PRKX: variants seen among roughly 807,000 people sequenced by gnomAD.
PRKX encodes the protein cAMP-dependent protein kinase catalytic subunit PRKX.
In PRKX, 12 loss-of-function variants were observed where a neutral mutation model predicts 22.0. The ratio of observed to expected loss-of-function variants is 0.54; its 90% CI spans 0.35 to 0.88. PRKX has a LOEUF of 0.88. Among genes scored for constraint, PRKX ranks in the 40% least tolerant of loss-of-function variants. The pLI, the probability that PRKX is intolerant of heterozygous loss-of-function variation, is 0.01. For synonymous variants in PRKX, 134 were observed against 137.7 expected (o/e 0.97, Z 0.19); for missense variants, 217 against 308.0 (o/e 0.70, Z 2.21).
rs762021655 is a variant in PRKX at position 3,688,697 on chromosome X, TAA to T, written c.167-13933_167-13932del. On this transcript the variant is annotated intron_variant, in intron 1 of 8. Transcript: ENST00000262848. The stretch of plus-strand genomic sequence containing the variant: ...GGGCAACATAGCCAGACACCATCTA[TAA>T]AAAAAAAAAATTTTTTTTAATGAGC... Among the ~76,000 whole-genome samples, 8 of 101,146 alleles carry T rather than the reference TAA, an allele frequency of 7.9e-5. No homozygotes were observed. In the South Asian group the frequency reaches 3.0e-3, roughly 38 times the overall value. 87.8% of individuals were successfully genotyped at this position (101,146 alleles called of 115,157 possible). A position where few individuals can be genotyped will look rare whatever the true frequency, so the allele number is the denominator to read the frequency against.
At position 3,635,364 on chromosome X, in the gene PRKX, G is replaced by A. The variant is rs1926866867; in HGVS notation, c.719+6488C>T. 1.8e-5 allele frequency among the ~76,000 whole-genome samples: 2 copies of A among 111,318 alleles called. 1 individual carries two copies. Among genetic ancestry groups the A allele is most frequent in the Admixed American group, 1.9e-4 (2 of 10,411 alleles). ...TCTGCTATGCTGTATTGTCTTAGTT[G>A]ACACCTATGAAGAAAATTCATCACT... On this transcript the variant is annotated intron_variant, in intron 4 of 8. Transcript: ENST00000262848.
intron 4 of PRKX, among the ~76,000 whole-genome samples, chrX:3,637,790 G>C (rs1207219181): frequency 9.5e-6 from 1 of 105,048 alleles, no homozygotes; most frequent in East Asian, 3.0e-4. Flanking sequence ...TTTTGAGATG[G>C]AGTCTCACCT....
At chrX:3,651,379 T>C (rs1233615636) in intron 3 of PRKX, among the ~76,000 whole-genome samples, 1 of 112,380 alleles carries the variant, frequency 8.9e-6, no homozygotes, top group Non-Finnish European at 1.9e-5. Context: ...TTTTATCTGT[T>C]TTCTTTGAAT....
intron 4 of PRKX, among the ~76,000 whole-genome samples, chrX:3,640,021 T>G (rs1282722306): frequency 1.8e-5 from 2 of 111,244 alleles, no homozygotes; most frequent in Non-Finnish European, 3.8e-5. Context: ...CTTCCCTCCT[T>G]TGTTTCCAAC....
chrX:3,697,228 T>C (rs919451468), intron 1 of PRKX, among the ~76,000 whole-genome samples: 16 of 110,946 alleles, frequency 1.4e-4, no homozygotes, highest in Non-Finnish European at 2.6e-4. Context: ...TAACCAAGTA[T>C]GGTGGTATGT....
Position 3,612,243 on chromosome X carries a change from G to A in PRKX, c.1034C>T (p.Ala345Val), listed in dbSNP as rs149150830. The A allele has an allele frequency of 5.5e-5, 66 of 1,208,177 alleles. No individual in the cohort carries two copies. The highest frequency in any genetic ancestry group is 7.2e-5 in the Non-Finnish European group (64 of 894,715). ...TTCTAAATCCTTCTGCGGCACGGGC[G>A]CGGCTGTGTCCCAGTCATTCTCAGG... ...TYPENDWDTA[A>V]PVPQKDLEIF... Residue 345 changes from alanine (A) to valine (V), a missense_variant, in exon 8 of 9, where the codon GCG (alanine) becomes GTG (valine). Physicochemically the swap from Ala to Val is moderately conservative, Grantham distance 64. Coordinates refer to ENST00000262848, the MANE Select transcript of PRKX (RefSeq NM_005044.5).
chrX:3,674,860 C>G, intron 1 of PRKX, 94 bp from the exon 2 acceptor site: 1 of 1,022,240 alleles, frequency 9.8e-7, no homozygotes, highest in Non-Finnish European at 1.4e-6. Context: ...TGCACCAGGA[C>G]GGCAAACACA....
At chrX:3,613,150 CAAAAAAAAAAAAAAAAAAAAA>C (rs528688936) in intron 7 of PRKX, among the ~76,000 whole-genome samples, 2 of 54,321 alleles carry the variant, frequency 3.7e-5, no homozygotes, top group Middle Eastern at 0.023. Flanking sequence ...GACTTCGTCT[CAAAAAAAAAAAAAAAAAAAAA>C]AAAAAAAAAA....
At chrX:3,686,518 G>A (rs994713384) in intron 1 of PRKX, among the ~76,000 whole-genome samples, 1 of 107,472 alleles carries the variant, frequency 9.3e-6, no homozygotes, top group Non-Finnish European at 1.9e-5. Context: ...TTGCAAGCGT[G>A]AGCCACTACA....
chrX:3,670,277 G>A (rs1352455763), intron 2 of PRKX: 3 of 123,059 alleles, frequency 2.4e-5, no homozygotes, highest in Non-Finnish European at 5.6e-5. Flanking sequence ...TGCAACGTTG[G>A]ACACCCTCCA....
chrX:3,611,315 A>G (rs1451260158), intron 8 of PRKX: 1 of 112,006 alleles, frequency 8.9e-6, no homozygotes, highest in East Asian at 2.8e-4. Context: ...TTGGCTTTCC[A>G]CTTCACATAA....
Position 3,608,266 on chromosome X carries a change from T to C in PRKX, c.*703A>G, listed in dbSNP as rs1486475269. The stretch of plus-strand genomic sequence containing the variant: ...CAACTTCAATGTCATTGTAGATTCT[T>C]GGAATAAATTCGCTCCCATATCTTC... On this transcript the variant is annotated 3_prime_UTR_variant, in exon 9 of 9. Coordinates refer to ENST00000262848, the MANE Select transcript of PRKX (RefSeq NM_005044.5). 9.1e-6 allele frequency: 1 copy of C among 110,424 alleles called. No homozygotes were observed. The highest frequency in any genetic ancestry group is 3.9e-4 in the South Asian group (1 of 2,573). The allele number at this position is 110,424 out of a possible 1,213,427, so 9.1% of individuals were successfully genotyped here.
In PRKX at chrX:3,606,770, T is replaced by C. The variant is rs1926183318; in HGVS notation, c.*2199A>G. On this transcript the variant is annotated 3_prime_UTR_variant, in exon 9 of 9. Coordinates refer to ENST00000262848, the MANE Select transcript of PRKX (RefSeq NM_005044.5). ...ACATGACATTGGGCCATTTAAACTATGACCCCGCCATGGGCAGTTACCAGG... is the reference window on the plus strand; with the variant it reads ...ACATGACATTGGGCCATTTAAACTACGACCCCGCCATGGGCAGTTACCAGG... 8.9e-6 allele frequency: 1 copy of C among 112,384 alleles called. No individual in the cohort carries two copies. Among genetic ancestry groups the C allele is most frequent in the Non-Finnish European group, 1.9e-5 (1 of 53,309 alleles). The allele number at this position is 112,384 out of a possible 1,213,427, so 9.3% of individuals were successfully genotyped here.
intron 2 of PRKX, among the ~76,000 whole-genome samples, chrX:3,657,605 A>T (rs1200689815): frequency 3.6e-5 from 4 of 112,582 alleles, no homozygotes; most frequent in African/African-American, 1.3e-4. Flanking sequence ...ATCACACCTG[A>T]TTCAGTAACC....
At chrX:3,661,328 C>A (rs1226842671) in intron 2 of PRKX, among the ~76,000 whole-genome samples, 1 of 111,770 alleles carries the variant, frequency 8.9e-6, no homozygotes, top group South Asian at 3.7e-4. Flanking sequence ...ACTTTGCAGG[C>A]GAGTGTGGTG....
At chrX:3,692,527 CTT>C (rs34719641) in intron 1 of PRKX, among the ~76,000 whole-genome samples, 29 of 94,072 alleles carry the variant, frequency 3.1e-4, no homozygotes, top group African/African-American at 8.4e-4. Flanking sequence ...AGCAACTGAA[CTT>C]TTTTTTTTTT....
intron 1 of PRKX, among the ~76,000 whole-genome samples, chrX:3,681,020 G>T (rs1928060944): frequency 1.8e-5 from 2 of 110,526 alleles, no homozygotes; most frequent in Non-Finnish European, 3.8e-5. Context: ...GCTGCAGTGA[G>T]CTATGGTTGC....
intron 1 of PRKX, among the ~76,000 whole-genome samples, chrX:3,698,565 G>GT (rs377193379): frequency 0.01 from 1,162 of 111,004 alleles, 11 homozygotes; most frequent in African/African-American, 0.036. Flanking sequence ...CATGTGTTTT[G>GT]TTTTTTGTTT....
Position 3,604,727 on chromosome X carries a change from G to A in PRKX, c.*4242C>T, listed in dbSNP as rs1432595956. 8.9e-6 allele frequency: 1 copy of A among 112,083 alleles called. No individual in the cohort carries two copies. The highest frequency in any genetic ancestry group is 3.2e-5 in the African/African-American group (1 of 30,786). The allele number at this position is 112,083 out of a possible 1,213,427, so 9.2% of individuals were successfully genotyped here. ...AATTCAGCTACGACAGTTGAGCAGA[G>A]CTCAACAGCCATCTCAGAGCACAAG... On this transcript the variant is annotated 3_prime_UTR_variant, in exon 9 of 9. Transcript: ENST00000262848.
Sources: gnomAD v4.1 joint callset for allele counts (sites outside exome capture counted in the v4.1 genomes callset) on GRCh38, gnomAD v4.1.1 for gene constraint, MANE v1.5 for transcripts, NCBI Gene and HGNC (gene_info 2026-07-23, HGNC 2026-07-21) for gene names.